Variants in TRDMT1 observed in about 807,000 individuals in gnomAD.
TRDMT1 encodes the protein tRNA aspartic acid methyltransferase 1.
Under a neutral mutation model 51.2 loss-of-function variants are expected in TRDMT1, and 49 were observed. The ratio of observed to expected loss-of-function variants is 0.96; its 90% confidence interval spans 0.76 to 1.21. The LOEUF is 1.21. Ranked by LOEUF, TRDMT1 falls within the 50% of genes most tolerant of loss-of-function variation. TRDMT1 has a pLI of 0.00. For synonymous variants in TRDMT1, 187 were observed against 164.6 expected (o/e 1.14, Z -1.04); for missense variants, 534 against 462.3 (o/e 1.16, Z -1.42).
At position 17,141,301 on chromosome 10, in the gene TRDMT1, A is replaced by G. The variant is rs1208283550; in HGVS notation, c.*7739T>C. Among the ~76,000 whole-genome samples, 1 of 152,096 alleles carries G rather than the reference A, an allele frequency of 6.6e-6. No homozygotes were observed. The highest frequency in any genetic ancestry group is 1.5e-5 in the Non-Finnish European group (1 of 68,024). ...CTCAGCCTCCCGAGTAGCTGGGACTACAGGCATGCACCACCATGCCCGGCT... is the reference window on the plus strand; with the variant it reads ...CTCAGCCTCCCGAGTAGCTGGGACTGCAGGCATGCACCACCATGCCCGGCT... On this transcript the variant is annotated 3_prime_UTR_variant, in exon 11 of 11. Coordinates refer to ENST00000377799, the MANE Select transcript of TRDMT1 (RefSeq NM_004412.7).
intron 3 of TRDMT1, among the ~76,000 whole-genome samples, chr10:17,162,462 C>G (rs1326899251): frequency 6.6e-6 from 1 of 152,158 alleles, no homozygotes; most frequent in African/African-American, 2.4e-5. Flanking sequence ...AATTCCAGCA[C>G]TTTGGGAGGT....
Position 17,147,600 on chromosome 10 carries a change from T to G in TRDMT1, c.*1440A>C, listed in dbSNP as rs10159806. The G allele has an allele frequency of 8.6e-3, 1,330 of 155,242 alleles. 24 individuals are homozygous for G. Among genetic ancestry groups the G allele is most frequent in the African/African-American group, 0.03 (1,229 of 41,630 alleles). 9.6% of individuals were successfully genotyped at this position (155,242 alleles called of 1,614,324 possible). A position where few individuals can be genotyped will look rare whatever the true frequency, so the allele number is the denominator to read the frequency against. On this transcript the variant is annotated 3_prime_UTR_variant, in exon 11 of 11. Coordinates refer to ENST00000377799, the MANE Select transcript of TRDMT1 (RefSeq NM_004412.7). ...GGGTGGCTTATTTCACTTCGCATAA[T>G]GTACTCAAGGTTCATCCATGTCACC...
rs1007948170 is a variant in TRDMT1 at position 17,141,989 on chromosome 10, G to A, written c.*7051C>T. On this transcript the variant is annotated 3_prime_UTR_variant, in exon 11 of 11. Transcript: ENST00000377799. The stretch of plus-strand genomic sequence containing the variant: ...CATTTATTTCTATTCTTAAAAATTG[G>A]CATATAGTGCACCTACCATAATGGT... Among the ~76,000 whole-genome samples, 15 of 152,024 alleles carry A rather than the reference G, an allele frequency of 9.9e-5. No individual in the cohort carries two copies. Among genetic ancestry groups the A allele is most frequent in the Non-Finnish European group, 1.9e-4 (13 of 68,020 alleles).
At chr10:17,171,900 A>T (rs986766535) in intron 2 of TRDMT1, 1 of 163,618 alleles carries the variant, frequency 6.1e-6, no homozygotes, top group African/African-American at 2.4e-5. Flanking sequence ...TTCTAGAAAA[A>T]TTTTTATCTA....
Position 17,144,562 on chromosome 10 carries a change from T to C in TRDMT1, c.*4478A>G. 1 of 985,704 alleles carries C rather than the reference T, an allele frequency of 1.0e-6. No homozygotes were observed. The highest frequency in any genetic ancestry group is 4.7e-5 in the South Asian group (1 of 21,280). The allele number at this position is 985,704 out of a possible 1,614,324, so 61.1% of individuals were successfully genotyped here. A position where few individuals can be genotyped will look rare whatever the true frequency, so the allele number is the denominator to read the frequency against. ...GTGGCTGAAAGTAAGACTCAGAATC[T>C]ATGGTAAATATAAAGCCAATGTATA... On this transcript the variant is annotated 3_prime_UTR_variant, in exon 11 of 11. Coordinates refer to ENST00000377799, the MANE Select transcript of TRDMT1 (RefSeq NM_004412.7).
Position 17,153,540 on chromosome 10 carries a change from T to C in TRDMT1, c.1042A>G (p.Ile348Val). The stretch of plus-strand genomic sequence containing the variant: ...GGAGGAAATCCAAGGAGATTTGCTA[T>C]TTCTTTAGGAGTGAAATATCGCAGT... ...LKLRYFTPKE[I>V]ANLLGFPPEF... The change falls in exon 10 of 11, where the codon ATA becomes GTA. Residue 348 changes from isoleucine (I) to valine (V), a missense_variant. By Grantham distance (29) the Ile-to-Val change is conservative. Transcript: ENST00000377799. 2 of 1,614,082 alleles carry C rather than the reference T, an allele frequency of 1.2e-6. No individual in the cohort carries two copies. The highest frequency in any genetic ancestry group is 1.7e-6 in the Non-Finnish European group (2 of 1,179,966).
rs563934634 is a variant in TRDMT1, at chr10:17,155,002, C to T, written c.888-268G>A. On this transcript the variant is annotated intron_variant, in intron 8 of 10. Transcript: ENST00000377799. ...TGGGAGGCCCAGGCGGGTGGATCACCTGAGGTCAGAGGAGTTCGAGGTCAG... is the reference window on the plus strand; with the variant it reads ...TGGGAGGCCCAGGCGGGTGGATCACTTGAGGTCAGAGGAGTTCGAGGTCAG... Among the ~76,000 whole-genome samples, 11 of 122,404 alleles carry T rather than the reference C, an allele frequency of 9.0e-5. No homozygotes were observed. In the South Asian group the frequency reaches 1.5e-3, roughly 16 times the overall value. The allele number at this position is 122,404 out of a possible 152,430, so 80.3% of individuals were successfully genotyped here.
At chr10:17,179,352 G>A (rs1292297725) in intron 1 of TRDMT1, among the ~76,000 whole-genome samples, 1 of 152,132 alleles carries the variant, frequency 6.6e-6, no homozygotes, top group South Asian at 2.1e-4. Context: ...AGGCCACATA[G>A]CCCAGCATTA....
At chr10:17,176,791 A>G (rs1181305709) in intron 1 of TRDMT1, among the ~76,000 whole-genome samples, 1 of 152,194 alleles carries the variant, frequency 6.6e-6, no homozygotes, top group Non-Finnish European at 1.5e-5. Context: ...AATTCCAAAG[A>G]CTAGTTGCCT....
At chr10:17,154,001 T>G (rs907360004) in intron 9 of TRDMT1, among the ~76,000 whole-genome samples, 1 of 152,150 alleles carries the variant, frequency 6.6e-6, no homozygotes, top group African/African-American at 2.4e-5. Context: ...AACAGGAGAA[T>G]CATTAAAACT....
intron 2 of TRDMT1, 62 bp from the exon 3 acceptor site, chr10:17,168,979 G>A: frequency 2.9e-6 from 3 of 1,023,904 alleles, no homozygotes; most frequent in African/African-American, 1.6e-5. Context: ...TGGGGAAGAG[G>A]GAAAATACTA....
intron 9 of TRDMT1, among the ~76,000 whole-genome samples, chr10:17,153,867 GGGTGTCT>G (rs1174228585): frequency 1.3e-5 from 2 of 152,150 alleles, no homozygotes; most frequent in Admixed American, 1.3e-4. Context: ...ATATTTTTCA[GGGTGTCT>G]GTCATTTTTG....
Position 17,161,559 on chromosome 10 carries a change from AT to A in TRDMT1, c.324-12del, listed in dbSNP as rs775740531. ...GGTAATTTTTGTAATCTATAAAAAAATAAACAAATGGAATTCTAAATATCTC... is the reference window on the plus strand; with the variant it reads ...GGTAATTTTTGTAATCTATAAAAAAAAAACAAATGGAATTCTAAATATCTC... On this transcript the variant is annotated splice_polypyrimidine_tract_variant and intron_variant, in intron 4 of 10. Transcript: ENST00000377799. 1.5e-5 allele frequency: 18 copies of A among 1,230,310 alleles called. No individual in the cohort carries two copies. Among genetic ancestry groups the A allele is most frequent in the Non-Finnish European group, 1.4e-5 (13 of 904,244 alleles). The allele number at this position is 1,230,310 out of a possible 1,614,324, so 76.2% of individuals were successfully genotyped here.
intron 1 of TRDMT1, among the ~76,000 whole-genome samples, chr10:17,197,927 G>A (rs1178764859): frequency 5.9e-5 from 9 of 152,026 alleles, no homozygotes; most frequent in Non-Finnish European, 5.9e-5. Context: ...CCAGCTGCTC[G>A]GGAGGCTGAG....
In TRDMT1 at chr10:17,148,931, TA is replaced by T; in HGVS notation, c.*108del. 7.3e-7 allele frequency: 1 copy of T among 1,377,862 alleles called. No homozygotes were observed. The highest frequency in any genetic ancestry group is 9.5e-7 in the Non-Finnish European group (1 of 1,056,780). The allele number at this position is 1,377,862 out of a possible 1,614,324, so 85.4% of individuals were successfully genotyped here. A position where few individuals can be genotyped will look rare whatever the true frequency, so the allele number is the denominator to read the frequency against. On this transcript the variant is annotated 3_prime_UTR_variant, in exon 11 of 11. Coordinates refer to ENST00000377799, the MANE Select transcript of TRDMT1 (RefSeq NM_004412.7). ...TCCAAATTTCTTAATAAGGACAGAT[TA>T]AAATAATTTAGTTAAATTTCACCAG... is the stretch of plus-strand genomic sequence containing the variant.
intron 6 of TRDMT1, 111 bp from the exon 7 acceptor site, chr10:17,159,340 G>T: frequency 1.6e-6 from 1 of 639,054 alleles, no homozygotes; most frequent in Non-Finnish European, 2.6e-6. Context: ...CCTACATTTA[G>T]CTTCTACCAC....
chr10:17,160,394 A>G lies in TRDMT1; in HGVS notation c.390-20T>C. On this transcript the variant is annotated intron_variant, in intron 5 of 10. Coordinates refer to ENST00000377799, the MANE Select transcript of TRDMT1 (RefSeq NM_004412.7). ...AGGTCTCTAAAAAGAAAAAAAAAAA[A>G]CTTTAATTCTTACTTGGAAAGGCAG... 7.0e-7 allele frequency: 1 copy of G among 1,433,970 alleles called. No individual in the cohort carries two copies. The highest frequency in any genetic ancestry group is 9.4e-7 in the Non-Finnish European group (1 of 1,065,044). 88.8% of individuals were successfully genotyped at this position (1,433,970 alleles called of 1,614,324 possible).
intron 1 of TRDMT1, among the ~76,000 whole-genome samples, chr10:17,179,786 G>A (rs1338575442): frequency 6.6e-6 from 1 of 150,674 alleles, no homozygotes; most frequent in East Asian, 1.9e-4. Flanking sequence ...AAACAGAAAC[G>A]GGCTAAAATT....
intron 1 of TRDMT1, among the ~76,000 whole-genome samples, chr10:17,194,948 TCA>T (rs1491516781): frequency 4.6e-5 from 2 of 43,782 alleles, no homozygotes; most frequent in Admixed American, 2.1e-4. Flanking sequence ...AAAAAAAAAG[TCA>T]AAAAAAAAAA....
Sources: allele counts gnomAD v4.1 joint callset (sites outside exome capture counted in the v4.1 genomes callset), GRCh38; gene constraint gnomAD v4.1.1; transcripts MANE v1.5; gene names NCBI Gene and HGNC (gene_info 2026-07-23, HGNC 2026-07-21).